CNBD1: variants seen among roughly 807,000 people sequenced by gnomAD.
CNBD1 encodes the protein cyclic nucleotide-binding domain-containing protein 1.
A neutral mutation model predicts 54.4 loss-of-function variants in CNBD1; 71 were observed. That is an observed-to-expected ratio of 1.30 (90% CI 1.08 to 1.59). The LOEUF (loss-of-function observed/expected upper bound fraction) is 1.59, where lower values mean the gene tolerates loss of function less well. Ranked by LOEUF, CNBD1 falls within the 40% of genes most tolerant of loss-of-function variation. The pLI is 0.00. For missense variants in CNBD1, 659 were observed against 518.0 expected, an observed-to-expected ratio of 1.27 and a Z score of -2.64; for synonymous variants, 182 against 170.7, an observed-to-expected ratio of 1.07 and a Z score of -0.51.
chr8:87,300,614 T>C (rs1446039966), intron 8 of CNBD1, among the ~76,000 whole-genome samples: 1 of 152,066 alleles, frequency 6.6e-6, no homozygotes, highest in African/African-American at 2.4e-5. Context: ...AAAGTATTTA[T>C]CATGGAGTCA....
intron 8 of CNBD1, among the ~76,000 whole-genome samples, chr8:87,335,455 G>A (rs1180857724): frequency 6.6e-6 from 1 of 152,128 alleles, no homozygotes; most frequent in Non-Finnish European, 1.5e-5. Flanking sequence ...TTATCATTAT[G>A]TAATGCCCTT....
intron 3 of CNBD1, among the ~76,000 whole-genome samples, chr8:86,931,208 G>A (rs1232063641): frequency 1.3e-5 from 2 of 152,142 alleles, no homozygotes; most frequent in African/African-American, 4.8e-5. Context: ...TGAGGACAAG[G>A]TCCAGGGCAG....
At position 87,411,397 on chromosome 8, in the gene CNBD1, CATATATATATATAT is replaced by C. The variant is rs6150689; in HGVS notation, c.214-17132_214-17119del. Reference sequence around the variant, plus strand: ...ATAGGCAGGATTAACCTAGCTATATCATATATATATATATATATATATATATATATTTCATTCAC... The same window carrying C: ...ATAGGCAGGATTAACCTAGCTATATCATATATATATATATATTTCATTCAC... On this transcript the variant is annotated intron_variant, in intron 2 of 7. Coordinates refer to the CNBD1 transcript ENST00000521593. Among the ~76,000 whole-genome samples, 554 of 92,402 alleles carry C rather than the reference CATATATATATATAT, an allele frequency of 6.0e-3. 13 individuals carry two copies. Among genetic ancestry groups the C allele is most frequent in the South Asian group, 0.055 (121 of 2,184 alleles). The allele number at this position is 92,402 out of a possible 152,430, so 60.6% of individuals were successfully genotyped here.
chr8:87,344,703 C>T (rs1810134379), intron 8 of CNBD1, among the ~76,000 whole-genome samples: 2 of 150,038 alleles, frequency 1.3e-5, no homozygotes, highest in South Asian at 4.1e-4. Flanking sequence ...CATTATTTCA[C>T]ATAACAAAAA....
chr8:87,300,889 A>G, intron 8 of CNBD1, among the ~76,000 whole-genome samples: 1 of 152,142 alleles, frequency 6.6e-6, no homozygotes, highest in East Asian at 1.9e-4. Context: ...CTTTTGTACA[A>G]TACAAAAGAT....
At chr8:87,363,445 C>G (rs1394059604) in intron 10 of CNBD1, among the ~76,000 whole-genome samples, 1 of 152,096 alleles carries the variant, frequency 6.6e-6, no homozygotes, top group Non-Finnish European at 1.5e-5. Flanking sequence ...AATGGTTGAA[C>G]TAATTTAGAC....
chr8:87,424,020 A>G (rs977119121), intron 2 of CNBD1, among the ~76,000 whole-genome samples: 8 of 152,136 alleles, frequency 5.3e-5, no homozygotes, highest in Non-Finnish European at 7.4e-5. Flanking sequence ...TGTATGTGTC[A>G]AGGAATTTAT....
chr8:87,275,793 G>A (rs1808466794), intron 6 of CNBD1, among the ~76,000 whole-genome samples: 1 of 151,586 alleles, frequency 6.6e-6, no homozygotes, highest in African/African-American at 2.4e-5. Context: ...GTCCCTGTTT[G>A]CAGATGACAT....
intron 2 of CNBD1, 34 bp from the exon 3 acceptor site, chr8:86,905,047 A>T: frequency 7.7e-7 from 1 of 1,298,546 alleles, no homozygotes; most frequent in Non-Finnish European, 1.1e-6. Flanking sequence ...TTATCCTATG[A>T]CACTTACAAT....
intron 2 of CNBD1, among the ~76,000 whole-genome samples, chr8:87,394,244 T>C (rs2130972012): frequency 6.6e-6 from 1 of 151,972 alleles, no homozygotes; most frequent in Non-Finnish European, 1.5e-5. Flanking sequence ...CTCCTAACAA[T>C]GCAAAGCGTT....
At chr8:87,313,651 T>G (rs947804439) in intron 8 of CNBD1, among the ~76,000 whole-genome samples, 9 of 151,928 alleles carry the variant, frequency 5.9e-5, no homozygotes, top group African/African-American at 2.2e-4. Flanking sequence ...TTTTTCTTCT[T>G]CTCAGGAAGA....
At chr8:87,024,154 G>T (rs1165077988) in intron 4 of CNBD1, among the ~76,000 whole-genome samples, 1 of 149,748 alleles carries the variant, frequency 6.7e-6, no homozygotes, top group Non-Finnish European at 1.5e-5. Context: ...CAGGAGAATG[G>T]TGTGAACCCA....
intron 4 of CNBD1, among the ~76,000 whole-genome samples, chr8:87,038,571 T>C (rs1190294827): frequency 6.6e-6 from 1 of 152,206 alleles, no homozygotes; most frequent in Non-Finnish European, 1.5e-5. Flanking sequence ...AGTGATGTTA[T>C]CTGCAGGAGT....
chr8:87,413,873 C>T (rs1226954425), intron 2 of CNBD1, among the ~76,000 whole-genome samples: 1 of 150,942 alleles, frequency 6.6e-6, no homozygotes, highest in Non-Finnish European at 1.5e-5. Flanking sequence ...CAGGAAACAA[C>T]AGGTGCTGGA....
chr8:87,033,925 G>A (rs971383563), intron 4 of CNBD1, among the ~76,000 whole-genome samples: 3 of 151,902 alleles, frequency 2.0e-5, no homozygotes, highest in African/African-American at 4.8e-5. Context: ...GTCACATAAT[G>A]ACTTAGCTTT....
chr8:87,092,072 T>G (rs1417572811), intron 4 of CNBD1, among the ~76,000 whole-genome samples: 1 of 152,122 alleles, frequency 6.6e-6, no homozygotes, highest in East Asian at 1.9e-4. Flanking sequence ...GAAAAAACTA[T>G]GACAAAGAAA....
chr8:87,281,192 G>A (rs1808591546), intron 6 of CNBD1, among the ~76,000 whole-genome samples: 1 of 151,488 alleles, frequency 6.6e-6, no homozygotes, highest in South Asian at 2.1e-4. Context: ...CACATGTATG[G>A]AAGATAACTC....
chr8:86,886,653 T>C (rs1431624166), intron 1 of CNBD1, among the ~76,000 whole-genome samples: 1 of 152,158 alleles, frequency 6.6e-6, no homozygotes, highest in East Asian at 1.9e-4. Context: ...AACAGATAAG[T>C]TTGGATGTCA....
At chr8:87,360,241 A>C (rs775100835) in intron 10 of CNBD1, among the ~76,000 whole-genome samples, 9 of 152,008 alleles carry the variant, frequency 5.9e-5, no homozygotes, top group Non-Finnish European at 1.0e-4. Flanking sequence ...TTATATATGC[A>C]ACCGTCTATA....
Sources: allele counts gnomAD v4.1 joint callset (sites outside exome capture counted in the v4.1 genomes callset), GRCh38; gene constraint gnomAD v4.1.1; transcripts MANE v1.5; gene names NCBI Gene and HGNC (gene_info 2026-07-23, HGNC 2026-07-21).